CDYL: variants seen among roughly 807,000 people sequenced by gnomAD.
CDYL encodes the protein chromodomain Y-like protein.
Under a neutral mutation model 47.3 loss-of-function variants are expected in CDYL, and 8 were observed. That is an observed-to-expected ratio of 0.17 (90% confidence interval 0.10 to 0.31). The LOEUF (loss-of-function observed/expected upper bound fraction) is 0.31, where lower values mean the gene tolerates loss of function less well. Among genes scored for constraint, CDYL ranks in the 10% least tolerant of loss-of-function variants. The pLI is 1.00. For synonymous variants in CDYL, 266 were observed against 265.0 expected (o/e 1.00, Z -0.04); for missense variants, 471 against 701.4 (o/e 0.67, Z 3.71).
chr6:4,857,550 C>T (rs567903646), intron 1 of CDYL, among the ~76,000 whole-genome samples: 25 of 152,134 alleles, frequency 1.6e-4, no homozygotes, highest in Non-Finnish European at 2.8e-4. Context: ...CTTTGTAGGC[C>T]TTTGAAGTCC....
At chr6:4,806,010 G>T (rs192361856) in intron 1 of CDYL, among the ~76,000 whole-genome samples, 1 of 152,360 alleles carries the variant, frequency 6.6e-6, no homozygotes, top group African/African-American at 2.4e-5. Flanking sequence ...TGGCGCAGGA[G>T]CATGAGGAAG....
At chr6:4,812,315 C>G (rs1298341021) in intron 1 of CDYL, among the ~76,000 whole-genome samples, 1 of 152,162 alleles carries the variant, frequency 6.6e-6, no homozygotes, top group Non-Finnish European at 1.5e-5. Flanking sequence ...AATGATTAGT[C>G]ACTTCCCCAT....
At chr6:4,783,740 G>T (rs1183843288) in intron 1 of CDYL, among the ~76,000 whole-genome samples, 1 of 152,126 alleles carries the variant, frequency 6.6e-6, no homozygotes, top group Non-Finnish European at 1.5e-5. Flanking sequence ...CAGCATAGGT[G>T]CAGTCACTTT....
intron 3 of CDYL, among the ~76,000 whole-genome samples, chr6:4,762,826 G>A (rs529435582): frequency 5.9e-5 from 9 of 152,170 alleles, no homozygotes; most frequent in Non-Finnish European, 1.0e-4. Context: ...TGTAACATAC[G>A]TTCATTGGAA....
At chr6:4,759,365 T>C (rs1346779584) in intron 3 of CDYL, among the ~76,000 whole-genome samples, 1 of 152,216 alleles carries the variant, frequency 6.6e-6, no homozygotes, top group African/African-American at 2.4e-5. Flanking sequence ...TTATTCAGAT[T>C]CTTTACCTTA....
chr6:4,771,567 C>T (rs1056650841), upstream of CDYL, among the ~76,000 whole-genome samples: 1 of 152,228 alleles, frequency 6.6e-6, no homozygotes, highest in Admixed American at 6.5e-5. Context: ...CCCCAATCTT[C>T]CAACTCATTT....
At chr6:4,835,885 G>A (rs531380634) in intron 1 of CDYL, among the ~76,000 whole-genome samples, 1 of 152,212 alleles carries the variant, frequency 6.6e-6, no homozygotes, top group Non-Finnish European at 1.5e-5. Context: ...TCCGAGCCAG[G>A]TGCGGGATAT....
chr6:4,926,286 G>A (rs1394161463), intron 2 of CDYL, among the ~76,000 whole-genome samples: 1 of 152,150 alleles, frequency 6.6e-6, no homozygotes, highest in Non-Finnish European at 1.5e-5. Flanking sequence ...ATAAGGTTTT[G>A]TATAGGTGAA....
At chr6:4,737,290 A>G (rs1444261087) in intron 3 of CDYL, among the ~76,000 whole-genome samples, 1 of 152,168 alleles carries the variant, frequency 6.6e-6, no homozygotes, top group African/African-American at 2.4e-5. Context: ...AGATTTCACT[A>G]CACACACAAA....
intron 1 of CDYL, among the ~76,000 whole-genome samples, chr6:4,802,354 A>C (rs577498515): frequency 1.3e-5 from 2 of 152,176 alleles, no homozygotes; most frequent in African/African-American, 4.8e-5. Context: ...CCTGGGCAAC[A>C]TAGTGAGACC....
chr6:4,896,090 G>A (rs546894583), intron 2 of CDYL, among the ~76,000 whole-genome samples: 30 of 152,342 alleles, frequency 2.0e-4, no homozygotes, highest in African/African-American at 7.2e-4. Flanking sequence ...GTATACTGCT[G>A]AGAATATAAT....
Position 4,900,779 on chromosome 6 carries a change from G to GTGTGTATATATGTATGTA in CDYL, c.691+8401_691+8402insGTGTATATATGTATGTAT. ...TCTTCTGTTAATTCCGTATACGTGT[G>GTGTGTATATATGTATGTA]TATATATATATATATATATATATAT... On this transcript the variant is annotated intron_variant, in intron 2 of 6. Transcript: ENST00000397588. 1.6e-3 allele frequency among the ~76,000 whole-genome samples: 85 copies of GTGTGTATATATGTATGTA among 51,702 alleles called. 4 individuals are homozygous for GTGTGTATATATGTATGTA. Among genetic ancestry groups the GTGTGTATATATGTATGTA allele is most frequent in the Non-Finnish European group, 2.6e-3 (63 of 24,172 alleles). 33.9% of individuals were successfully genotyped at this position (51,702 alleles called of 152,430 possible).
chr6:4,793,219 G>A (rs1049840673), intron 1 of CDYL, among the ~76,000 whole-genome samples: 2 of 152,156 alleles, frequency 1.3e-5, no homozygotes, highest in African/African-American at 2.4e-5. Context: ...ACTGCATCGC[G>A]TTCATGGATT....
intron 1 of CDYL, among the ~76,000 whole-genome samples, chr6:4,824,130 C>T (rs1759915384): frequency 6.6e-6 from 1 of 152,190 alleles, no homozygotes; most frequent in Admixed American, 6.5e-5. Context: ...ATCCATTCAT[C>T]TTAGTGGACA....
At chr6:4,925,318 G>A (rs556105599) in intron 2 of CDYL, among the ~76,000 whole-genome samples, 1 of 151,978 alleles carries the variant, frequency 6.6e-6, no homozygotes, top group East Asian at 1.9e-4. Context: ...CTAAGAATGA[G>A]CACATTTAGT....
intron 1 of CDYL, among the ~76,000 whole-genome samples, chr6:4,791,747 A>G (rs1221986508): frequency 6.6e-6 from 1 of 152,090 alleles, no homozygotes; most frequent in South Asian, 2.1e-4. Context: ...ACCCTGGTCT[A>G]ACTACTACGA....
chr6:4,807,702 C>T (rs947943019), intron 1 of CDYL, among the ~76,000 whole-genome samples: 5 of 143,458 alleles, frequency 3.5e-5, no homozygotes, highest in Admixed American at 2.2e-4. Context: ...CTCCTGGGCT[C>T]AGGCAATCCT....
intron 3 of CDYL, among the ~76,000 whole-genome samples, chr6:4,738,680 A>T (rs781782369): frequency 6.6e-6 from 1 of 152,218 alleles, no homozygotes; most frequent in Admixed American, 6.5e-5. Flanking sequence ...GCTTCTGAAG[A>T]AACACTTGTA....
chr6:4,716,845 T>G (rs536105568), intron 2 of CDYL, among the ~76,000 whole-genome samples: 3 of 152,046 alleles, frequency 2.0e-5, no homozygotes, highest in Non-Finnish European at 2.9e-5. Flanking sequence ...ACAAAGACAC[T>G]GACAAGGAGC....
Sources: gnomAD v4.1 joint callset for allele counts (sites outside exome capture counted in the v4.1 genomes callset) on GRCh38, gnomAD v4.1.1 for gene constraint, MANE v1.5 for transcripts, NCBI Gene and HGNC (gene_info 2026-07-23, HGNC 2026-07-21) for gene names.